The following TTBK2 variants were observed in gnomAD, a reference collection of about 807,000 sequenced individuals.
TTBK2 encodes tau tubulin kinase 2, also known as tau-tubulin kinase 2.
A neutral mutation model predicts 110.8 loss-of-function variants in TTBK2; 28 were observed. The ratio of observed to expected loss-of-function variants is 0.25; its 90% CI spans 0.19 to 0.35. The LOEUF is 0.35. Ranked by LOEUF, TTBK2 falls within the 10% of genes least tolerant of loss-of-function variation. The pLI, the probability that TTBK2 is intolerant of heterozygous loss-of-function variation, is 1.00. For synonymous variants in TTBK2, 532 were observed against 527.3 expected, an observed-to-expected ratio of 1.01 and a Z score of -0.12; for missense variants, 1,369 against 1,500.3, an observed-to-expected ratio of 0.91 and a Z score of 1.45.
At chr15:42,755,285 T>C (rs1595880026) in intron 13 of TTBK2, among the ~76,000 whole-genome samples, 3 of 152,282 alleles carry the variant, frequency 2.0e-5, no homozygotes, top group African/African-American at 7.2e-5. Flanking sequence ...CTAGGAAAAC[T>C]ACAGAAATTG....
chr15:42,778,230 A>G (rs1890016152), intron 11 of TTBK2, among the ~76,000 whole-genome samples: 1 of 150,484 alleles, frequency 6.6e-6, no homozygotes, highest in South Asian at 2.1e-4. Flanking sequence ...GTTATTTGGA[A>G]TTAAATGATT....
intron 3 of TTBK2, among the ~76,000 whole-genome samples, chr15:42,870,175 A>C (rs533460170): frequency 6.2e-4 from 93 of 151,202 alleles, no homozygotes; most frequent in African/African-American, 3.1e-4. Context: ...CTCCATCACA[A>C]AAAAAAAATA....
chr15:42,801,819 C>T (rs1237849110), intron 9 of TTBK2: 2 of 855,696 alleles, frequency 2.3e-6, no homozygotes, highest in South Asian at 1.3e-5. Context: ...CATCTACATA[C>T]TCCTTGATGA....
chr15:42,858,390 G>C (rs971767048), intron 3 of TTBK2, among the ~76,000 whole-genome samples: 3 of 152,042 alleles, frequency 2.0e-5, no homozygotes, highest in African/African-American at 7.2e-5. Context: ...CAGAAACGTG[G>C]GGAAAAAATG....
chr15:42,763,147 TATATATATAC>T lies in TTBK2; in HGVS notation c.1999-9910_1999-9901del, dbSNP rs1567008710. ...ATATATATACATATATACATACATA[TATATATATAC>T]ATATATATATATATATATATATATA... On this transcript the variant is annotated intron_variant, in intron 13 of 14. Transcript: ENST00000267890. Among the ~76,000 whole-genome samples, 103 of 74,590 alleles carry T rather than the reference TATATATATAC, an allele frequency of 1.4e-3. 1 individual carries two copies. Among genetic ancestry groups the T allele is most frequent in the African/African-American group, 5.2e-3 (65 of 12,606 alleles). The allele number at this position is 74,590 out of a possible 152,430, so 48.9% of individuals were successfully genotyped here.
chr15:42,814,688 G>A (rs969184608), intron 7 of TTBK2, among the ~76,000 whole-genome samples: 1 of 152,160 alleles, frequency 6.6e-6, no homozygotes, highest in Non-Finnish European at 1.5e-5. Context: ...AGAATTAGCT[G>A]GGAAACCTTT....
At chr15:42,794,970 G>T in intron 9 of TTBK2, 169 bp from the exon 10 acceptor site, 1 of 748,482 alleles carries the variant, frequency 1.3e-6, no homozygotes, top group Non-Finnish European at 2.2e-6. Flanking sequence ...GATGATGATA[G>T]TGAATTAATG....
intron 1 of TTBK2, among the ~76,000 whole-genome samples, chr15:42,907,765 G>A (rs1453002604): frequency 6.6e-6 from 1 of 151,838 alleles, no homozygotes; most frequent in African/African-American, 2.4e-5. Flanking sequence ...TTATTTGCAC[G>A]TTTTACCTCA....
At chr15:42,837,837 C>T (rs1893055271) in intron 4 of TTBK2, among the ~76,000 whole-genome samples, 1 of 152,092 alleles carries the variant, frequency 6.6e-6, no homozygotes, top group Admixed American at 6.5e-5. Flanking sequence ...CAAGAAAAGC[C>T]TCCTGATGAG....
chr15:42,815,919 T>A (rs1891937305), intron 7 of TTBK2, among the ~76,000 whole-genome samples: 4 of 94,474 alleles, frequency 4.2e-5, no homozygotes, highest in African/African-American at 2.4e-4. Context: ...TAAAAATATA[T>A]ATATATTTAA....
intron 1 of TTBK2, among the ~76,000 whole-genome samples, chr15:42,905,964 C>T (rs181070956): frequency 1.3e-5 from 2 of 152,190 alleles, no homozygotes; most frequent in East Asian, 1.9e-4. Context: ...CAACACAGGC[C>T]GATCACCTGA....
At chr15:42,889,855 G>A (rs999484115) in intron 1 of TTBK2, among the ~76,000 whole-genome samples, 1 of 151,974 alleles carries the variant, frequency 6.6e-6, no homozygotes, top group Non-Finnish European at 1.5e-5. Context: ...AAGCAGCCCT[G>A]AGAAACATTG....
Position 42,746,055 on chromosome 15 carries a change from A to G in TTBK2, c.3475T>C (p.Ser1159Pro). 6.2e-7 allele frequency: 1 copy of G among 1,614,064 alleles called. No homozygotes were observed. The highest frequency in any genetic ancestry group is 8.5e-7 in the Non-Finnish European group (1 of 1,179,996). Reference protein sequence around the residue: ...RSPSASPRSSSLPRTSSSSPS... With the variant: ...RSPSASPRSSPLPRTSSSSPS... ...GAGGAACTAGACGTGCGAGGCAAGG[A>G]TGAGCTTCGAGGAGAGGCACTGGGA... Residue 1159 changes from serine to proline, a missense_variant, in exon 15 of 15, where the codon TCC becomes CCC. Transcript: ENST00000267890.
chr15:42,811,693 C>T lies in TTBK2; in HGVS notation c.691G>A (p.Asp231Asn). 2 of 1,613,268 alleles carry T rather than the reference C, an allele frequency of 1.2e-6. No homozygotes were observed. The highest frequency in any genetic ancestry group is 1.7e-6 in the Non-Finnish European group (2 of 1,179,500). Residue 231 changes from aspartate to asparagine, a missense_variant, in exon 8 of 15, where the codon GAC (aspartate) becomes AAC (asparagine). By Grantham distance (23) the Asp-to-Asn change is conservative (BLOSUM62 1). Around this residue, in one of 4 missense-constraint regions of TTBK2, gnomAD observed 138 missense variants for 179.0 expected, o/e 0.77. Coordinates refer to ENST00000267890, the MANE Select transcript of TTBK2 (RefSeq NM_173500.4). ...VGQLPWRKIK[D>N]KEQVGSIKER... ...ATCTCCATTCCCAAAATTACCTTGT[C>T]CTTTATTTTTCTCCAGGGCAGCTGA...
At chr15:42,899,139 C>T (rs1431499827) in intron 1 of TTBK2, among the ~76,000 whole-genome samples, 1 of 151,902 alleles carries the variant, frequency 6.6e-6, no homozygotes, top group Non-Finnish European at 1.5e-5. Flanking sequence ...ACCACAGGCA[C>T]ATGTCACCTT....
intron 1 of TTBK2, among the ~76,000 whole-genome samples, chr15:42,882,770 C>A (rs774410864): frequency 2.6e-5 from 4 of 152,110 alleles, no homozygotes; most frequent in Non-Finnish European, 4.4e-5. Flanking sequence ...AAAGAACTGT[C>A]AACCCACAAT....
At chr15:42,875,159 C>T (rs1894768567) in intron 2 of TTBK2, among the ~76,000 whole-genome samples, 1 of 152,106 alleles carries the variant, frequency 6.6e-6, no homozygotes, top group Non-Finnish European at 1.5e-5. Flanking sequence ...CAGAATAAAA[C>T]ATCTAGGCTG....
chr15:42,874,295 C>CTTCTTTATTT (rs1342408835), intron 2 of TTBK2, among the ~76,000 whole-genome samples: 1 of 151,454 alleles, frequency 6.6e-6, no homozygotes, highest in African/African-American at 2.4e-5. Flanking sequence ...AGCCATAATC[C>CTTCTTTATTT]TTCTTTATTT....
chr15:42,757,429 C>T (rs1268718326), intron 13 of TTBK2, among the ~76,000 whole-genome samples: 1 of 152,110 alleles, frequency 6.6e-6, no homozygotes, highest in Non-Finnish European at 1.5e-5. Context: ...ATTACTAATA[C>T]AAATTCACAA....
Sources: gnomAD v4.1 joint callset for allele counts (sites outside exome capture counted in the v4.1 genomes callset) on GRCh38, gnomAD v4.1.1 for gene constraint, gnomAD v4.1.1 regional missense constraint, MANE v1.5 for transcripts, NCBI Gene and HGNC (gene_info 2026-07-23, HGNC 2026-07-21) for gene names.